HCN1: variants seen among roughly 807,000 people sequenced by gnomAD.
HCN1 encodes potassium/sodium hyperpolarization-activated cyclic nucleotide-gated channel 1.
In HCN1, 13 loss-of-function variants were observed where a neutral mutation model predicts 78.9. The observed-to-expected ratio is 0.16, with a 90% CI of 0.11 to 0.26. The LOEUF (loss-of-function observed/expected upper bound fraction) is 0.26. Among genes scored for constraint, HCN1 ranks in the 10% least tolerant of loss-of-function variants. HCN1 has a pLI of 1.00. For missense variants in HCN1, 810 were observed against 1,154.3 expected, an observed-to-expected ratio of 0.70 and a Z score of 4.32; for synonymous variants, 552 against 455.5, an observed-to-expected ratio of 1.21 and a Z score of -2.70.
intron 6 of HCN1, 27 bp downstream of exon 6, chr5:45,303,572 C>T (rs1292898991): frequency 5.0e-6 from 8 of 1,611,542 alleles, no homozygotes; most frequent in South Asian, 1.1e-5. Context: ...GTTTAGATTT[C>T]ATCTTAGTTG....
At chr5:45,496,989 C>T (rs1303653117) in intron 2 of HCN1, among the ~76,000 whole-genome samples, 1 of 152,118 alleles carries the variant, frequency 6.6e-6, no homozygotes, top group Non-Finnish European at 1.5e-5. Flanking sequence ...GCAGGTTGTT[C>T]AGTTTCCATG....
intron 6 of HCN1, among the ~76,000 whole-genome samples, chr5:45,276,898 G>A (rs1198378379): frequency 2.0e-5 from 3 of 152,002 alleles, no homozygotes; most frequent in Admixed American, 6.6e-5. Flanking sequence ...GAACAGGAGG[G>A]GAGAGGAGAC....
At chr5:45,447,920 T>C (rs2111589246) in intron 3 of HCN1, among the ~76,000 whole-genome samples, 1 of 151,758 alleles carries the variant, frequency 6.6e-6, no homozygotes, top group East Asian at 1.9e-4. Context: ...GAAAGGCTAA[T>C]CTGTTATGAC....
intron 5 of HCN1, among the ~76,000 whole-genome samples, chr5:45,337,034 C>T (rs1052056826): frequency 3.3e-5 from 5 of 151,848 alleles, no homozygotes; most frequent in African/African-American, 7.3e-5. Context: ...AAAAGAAAAA[C>T]CAACATATTT....
chr5:45,449,642 T>C (rs1170641653), intron 3 of HCN1, among the ~76,000 whole-genome samples: 1 of 152,024 alleles, frequency 6.6e-6, no homozygotes, highest in Non-Finnish European at 1.5e-5. Flanking sequence ...TATTTCAACC[T>C]TCCCAGCATG....
intron 2 of HCN1, among the ~76,000 whole-genome samples, chr5:45,462,748 C>A (rs562584952): frequency 3.0e-4 from 45 of 151,936 alleles, no homozygotes; most frequent in Non-Finnish European, 5.7e-4. Flanking sequence ...AACATTATGA[C>A]AAATCAACAT....
intron 2 of HCN1, among the ~76,000 whole-genome samples, chr5:45,542,455 T>C (rs1743123709): frequency 6.6e-6 from 1 of 152,028 alleles, no homozygotes; most frequent in Admixed American, 6.6e-5. Flanking sequence ...TCTGTTAACA[T>C]AGTTTTAGCA....
intron 2 of HCN1, among the ~76,000 whole-genome samples, chr5:45,591,988 ATAGAT>A (rs1055341178): frequency 2.7e-5 from 4 of 150,578 alleles, no homozygotes; most frequent in African/African-American, 5.0e-5. Context: ...CTGTGTCTAG[ATAGAT>A]TATTTTTTTT....
intron 2 of HCN1, among the ~76,000 whole-genome samples, chr5:45,588,895 G>A (rs1226209848): frequency 6.6e-6 from 1 of 152,204 alleles, no homozygotes; most frequent in Non-Finnish European, 1.5e-5. Context: ...GATAAAAATA[G>A]TTTGGTTATA....
chr5:45,293,940 A>T (rs1745432731), intron 6 of HCN1, among the ~76,000 whole-genome samples: 1 of 151,998 alleles, frequency 6.6e-6, no homozygotes, highest in Non-Finnish European at 1.5e-5. Context: ...ACCTAAGAGG[A>T]TAACGAATGA....
intron 2 of HCN1, among the ~76,000 whole-genome samples, chr5:45,545,266 A>G (rs557002965): frequency 2.6e-4 from 39 of 152,220 alleles, no homozygotes; most frequent in Non-Finnish European, 7.4e-5. Flanking sequence ...GTCTGTTCAT[A>G]TCCTTTGCCC....
intron 2 of HCN1, among the ~76,000 whole-genome samples, chr5:45,547,654 A>G (rs1743257031): frequency 6.6e-6 from 1 of 151,948 alleles, no homozygotes; most frequent in Admixed American, 6.6e-5. Context: ...ATTTGATTTA[A>G]CAAGTCATTA....
At position 45,508,787 on chromosome 5, in the gene HCN1, C is replaced by A. The variant is rs187560093; in HGVS notation, c.850-46780G>T. On this transcript the variant is annotated intron_variant, in intron 2 of 7. Coordinates refer to ENST00000303230, the MANE Select transcript of HCN1 (RefSeq NM_021072.4). ...ATTTGAAACAGATGATGCAAGTAGGCTATATTGTATTATTTAGTTTGATAA... is the reference window on the plus strand; with the variant it reads ...ATTTGAAACAGATGATGCAAGTAGGATATATTGTATTATTTAGTTTGATAA... 1.1e-4 allele frequency among the ~76,000 whole-genome samples: 17 copies of A among 152,156 alleles called. No individual in the cohort carries two copies. The East Asian group carries it at 3.1e-3, about 28-fold the overall frequency.
intron 1 of HCN1, among the ~76,000 whole-genome samples, chr5:45,658,176 G>T (rs924648071): frequency 6.6e-6 from 1 of 152,100 alleles, no homozygotes; most frequent in Non-Finnish European, 1.5e-5. Context: ...GGGAAAACTG[G>T]CTAGCCATAT....
chr5:45,566,516 C>A (rs1994148), intron 2 of HCN1, among the ~76,000 whole-genome samples: 18 of 152,002 alleles, frequency 1.2e-4, no homozygotes, highest in African/African-American at 4.3e-4. Context: ...TATCAAAGGG[C>A]AGCTGCAGCT....
At chr5:45,596,655 G>A (rs969867444) in intron 2 of HCN1, among the ~76,000 whole-genome samples, 1 of 152,156 alleles carries the variant, frequency 6.6e-6, no homozygotes, top group Non-Finnish European at 1.5e-5. Flanking sequence ...CTTAGTTAGA[G>A]TTTTTAAACT....
At chr5:45,542,101 C>T (rs963722608) in intron 2 of HCN1, among the ~76,000 whole-genome samples, 7 of 152,056 alleles carry the variant, frequency 4.6e-5, no homozygotes, top group South Asian at 4.1e-4. Context: ...AATTAAAATA[C>T]GAATTAAATG....
chr5:45,696,111 G>T lies in HCN1; in HGVS notation c.-18C>A. On this transcript the variant is annotated 5_prime_UTR_variant, in exon 1 of 8. Transcript: ENST00000303230. Reference sequence around the variant, plus strand: ...CCTTCCATGCCCGGAGGACGCGGCCGGCGACGGCGCGGGCTCCAGACTCGC... The same window carrying T: ...CCTTCCATGCCCGGAGGACGCGGCCTGCGACGGCGCGGGCTCCAGACTCGC... 1 of 1,324,462 alleles carries T rather than the reference G, an allele frequency of 7.6e-7. No homozygotes were observed. The highest frequency in any genetic ancestry group is 9.8e-7 in the Non-Finnish European group (1 of 1,024,970). 82.0% of individuals were successfully genotyped at this position (1,324,462 alleles called of 1,614,324 possible).
At chr5:45,331,991 G>T (rs899470123) in intron 5 of HCN1, among the ~76,000 whole-genome samples, 2 of 151,370 alleles carry the variant, frequency 1.3e-5, no homozygotes, top group African/African-American at 2.4e-5. Flanking sequence ...GTCAACTGGG[G>T]GGATATTTTA....
Sources: allele counts gnomAD v4.1 joint callset (sites outside exome capture counted in the v4.1 genomes callset), GRCh38; gene constraint gnomAD v4.1.1; transcripts MANE v1.5; gene names NCBI Gene and HGNC (gene_info 2026-07-23, HGNC 2026-07-21).